The following NR3C1 variants were observed in gnomAD, a reference collection of about 807,000 sequenced individuals.
NR3C1 encodes the protein glucocorticoid receptor.
NR3C1 carries 14 observed loss-of-function variants against 74.0 expected under a neutral mutation model. The ratio of observed to expected loss-of-function variants is 0.19; its 90% CI spans 0.12 to 0.30. NR3C1 has a LOEUF of 0.30. Among genes scored for constraint, NR3C1 ranks in the 10% least tolerant of loss-of-function variants. The pLI is 1.00. For missense variants in NR3C1, 695 were observed against 909.8 expected, an observed-to-expected ratio of 0.76 and a Z score of 3.04; for synonymous variants, 308 against 332.5, an observed-to-expected ratio of 0.93 and a Z score of 0.80.
intron 2 of NR3C1, among the ~76,000 whole-genome samples, chr5:143,352,775 G>GT (rs1459271273): frequency 3.9e-5 from 6 of 152,178 alleles, no homozygotes; most frequent in Admixed American, 2.6e-4. Context: ...TGAACTTTCA[G>GT]TGAGTTGTAA....
At chr5:143,383,066 T>C (rs1471823484) in intron 2 of NR3C1, among the ~76,000 whole-genome samples, 1 of 152,184 alleles carries the variant, frequency 6.6e-6, no homozygotes, top group African/African-American at 2.4e-5. Context: ...TATTCCACAG[T>C]TTCTGCTGGA....
chr5:143,309,325 T>C (rs1462709748), intron 4 of NR3C1, among the ~76,000 whole-genome samples: 1 of 152,114 alleles, frequency 6.6e-6, no homozygotes, highest in East Asian at 1.9e-4. Flanking sequence ...CCTGCCTTGG[T>C]CTCCCAAAGT....
At chr5:143,405,553 A>T (rs1470032760), upstream of NR3C1, among the ~76,000 whole-genome samples, 1 of 152,014 alleles carries the variant, frequency 6.6e-6, no homozygotes, top group Non-Finnish European at 1.5e-5. Context: ...GCATTGTCTG[A>T]TGTGAAAGGA....
intron 2 of NR3C1, among the ~76,000 whole-genome samples, chr5:143,325,279 G>A (rs1824333559): frequency 6.6e-6 from 1 of 152,126 alleles, no homozygotes; most frequent in Non-Finnish European, 1.5e-5. Flanking sequence ...ACATGGTGGT[G>A]GCAAAAGAAA....
upstream of NR3C1, chr5:143,404,567 G>GCGGC: frequency 2.1e-6 from 2 of 971,064 alleles, no homozygotes; most frequent in Non-Finnish European, 2.4e-6. Flanking sequence ...GCGGCAGAAG[G>GCGGC]AGGCGCCGCC....
At chr5:143,337,710 A>C (rs1396351703) in intron 2 of NR3C1, among the ~76,000 whole-genome samples, 1 of 152,214 alleles carries the variant, frequency 6.6e-6, no homozygotes. Context: ...TGAATGAAAA[A>C]AGCAAGATGC....
rs565220144 is a variant in NR3C1, at chr5:143,332,566, A to G, written c.1185-18398T>C. On this transcript the variant is annotated intron_variant, in intron 2 of 8. Coordinates refer to ENST00000394464, the MANE Select transcript of NR3C1 (RefSeq NM_000176.3). ...CCCTGGAACTTAAAATAAAAATTATAATTAAAAAAAGAATTGAGTAGCTGC... is the reference window on the plus strand; with the variant it reads ...CCCTGGAACTTAAAATAAAAATTATGATTAAAAAAAGAATTGAGTAGCTGC... 8.0e-6 allele frequency: 7 copies of G among 874,924 alleles called. No homozygotes were observed. In the South Asian group the frequency reaches 1.0e-4, roughly 13 times the overall value. The allele number at this position is 874,924 out of a possible 1,614,324, so 54.2% of individuals were successfully genotyped here.
intron 2 of NR3C1, 65 bp downstream of exon 2, chr5:143,399,591 G>C: frequency 8.3e-7 from 1 of 1,204,572 alleles, no homozygotes; most frequent in Admixed American, 1.7e-5. Flanking sequence ...AATCAATGAA[G>C]ATTTACATCT....
chr5:143,376,499 C>T (rs1943315765), intron 2 of NR3C1, among the ~76,000 whole-genome samples: 2 of 152,196 alleles, frequency 1.3e-5, no homozygotes, highest in Admixed American at 6.5e-5. Flanking sequence ...TCAGGTAGGC[C>T]TGCTGCTTTT....
At chr5:143,319,877 C>T (rs563332652) in intron 2 of NR3C1, among the ~76,000 whole-genome samples, 7 of 151,782 alleles carry the variant, frequency 4.6e-5, no homozygotes, top group Non-Finnish European at 1.0e-4. Context: ...ACTACTGAAG[C>T]AGCCCTAAAC....
At chr5:143,410,216 T>C (rs1304223471) in intron 1 of NR3C1, among the ~76,000 whole-genome samples, 1 of 152,206 alleles carries the variant, frequency 6.6e-6, no homozygotes, top group South Asian at 2.1e-4. Context: ...CCATGTTCCT[T>C]TGGTAAAGAG....
intron 5 of NR3C1, 151 bp from the exon 6 acceptor site, chr5:143,298,963 T>C (rs1817870292): frequency 1.5e-6 from 1 of 688,990 alleles, no homozygotes; most frequent in Non-Finnish European, 2.5e-6. Flanking sequence ...GACACAGTTT[T>C]CTTCTGTCAT....
chr5:143,351,502 G>A (rs1026142526), intron 2 of NR3C1, among the ~76,000 whole-genome samples: 7 of 151,984 alleles, frequency 4.6e-5, no homozygotes, highest in Non-Finnish European at 1.5e-5. Flanking sequence ...ATGTGTCCAG[G>A]GCTCTCTTCA....
intron 2 of NR3C1, among the ~76,000 whole-genome samples, chr5:143,352,266 G>C (rs993116989): frequency 6.6e-6 from 1 of 151,948 alleles, no homozygotes; most frequent in African/African-American, 2.4e-5. Flanking sequence ...AGTGATCCTA[G>C]GATTGATCAT....
At chr5:143,323,781 G>C (rs937513764) in intron 2 of NR3C1, among the ~76,000 whole-genome samples, 1 of 152,108 alleles carries the variant, frequency 6.6e-6, no homozygotes, top group African/African-American at 2.4e-5. Flanking sequence ...CGGAGGGATG[G>C]GGGGCAGGGG....
At chr5:143,415,023 C>T (rs151036069) in intron 1 of NR3C1, among the ~76,000 whole-genome samples, 283 of 151,866 alleles carry the variant, frequency 1.9e-3, no homozygotes, top group African/African-American at 6.4e-3. Flanking sequence ...TTTGTGTAGA[C>T]GGCATTAGAA....
At chr5:143,354,978 T>C (rs906616613) in intron 2 of NR3C1, among the ~76,000 whole-genome samples, 3 of 140,144 alleles carry the variant, frequency 2.1e-5, no homozygotes, top group Non-Finnish European at 3.2e-5. Context: ...TCGTAACAGA[T>C]ACAAAAATGA....
At chr5:143,397,171 A>G (rs568710886) in intron 2 of NR3C1, among the ~76,000 whole-genome samples, 5 of 151,354 alleles carry the variant, frequency 3.3e-5, no homozygotes, top group Non-Finnish European at 5.9e-5. Context: ...TAAAGTGAGG[A>G]TTTTTTTTTA....
chr5:143,386,307 T>C (rs1837209318), intron 2 of NR3C1, among the ~76,000 whole-genome samples: 1 of 152,206 alleles, frequency 6.6e-6, no homozygotes, highest in African/African-American at 2.4e-5. Flanking sequence ...ATAGCATTTA[T>C]ATTTAGAAAA....
Sources: allele counts gnomAD v4.1 joint callset (sites outside exome capture counted in the v4.1 genomes callset), GRCh38; gene constraint gnomAD v4.1.1; transcripts MANE v1.5; gene names NCBI Gene and HGNC (gene_info 2026-07-23, HGNC 2026-07-21).